The following EGFR variants were observed in gnomAD, a reference collection of about 807,000 sequenced individuals.
EGFR encodes epidermal growth factor receptor.
A neutral mutation model predicts 143.0 loss-of-function variants in EGFR; 58 were observed. That is an observed-to-expected ratio of 0.41 (90% CI 0.33 to 0.50). EGFR has a LOEUF of 0.50. Ranked by LOEUF, EGFR falls within the 20% of genes least tolerant of loss-of-function variation. The probability of loss-of-function intolerance (pLI) is 0.39; values close to 1 mark genes in which losing one functional copy is unlikely to be tolerated. For synonymous variants in EGFR, 613 were observed against 594.4 expected (o/e 1.03, Z -0.45); for missense variants, 1,307 against 1,579.0 (o/e 0.83, Z 2.92).
chr7:55,024,387 C>T (rs535528789), intron 1 of EGFR, among the ~76,000 whole-genome samples: 2 of 152,184 alleles, frequency 1.3e-5, no homozygotes, highest in Non-Finnish European at 2.9e-5. Context: ...TAGAATTTCT[C>T]TCTCTGATCC....
chr7:55,027,990 AAATATATATATAT>A lies in EGFR; in HGVS notation c.88+8627_88+8639del, dbSNP rs1273616912. On this transcript the variant is annotated intron_variant, in intron 1 of 27. Coordinates refer to ENST00000275493, the MANE Select transcript of EGFR (RefSeq NM_005228.5). ...TGCCTTTATGTAAAAAAAAAAAAAA[AAATATATATATAT>A]ATATATATATATATATATATATACA... 1.5e-4 allele frequency among the ~76,000 whole-genome samples: 10 copies of A among 64,878 alleles called. No individual in the cohort carries two copies. In the East Asian group the frequency reaches 1.5e-3, roughly 10 times the overall value. The allele number at this position is 64,878 out of a possible 152,430, so 42.6% of individuals were successfully genotyped here. A position where few individuals can be genotyped will look rare whatever the true frequency, so the allele number is the denominator to read the frequency against.
At chr7:55,066,790 T>A (rs1420865539) in intron 1 of EGFR, among the ~76,000 whole-genome samples, 3 of 152,156 alleles carry the variant, frequency 2.0e-5, no homozygotes, top group Non-Finnish European at 4.4e-5. Context: ...CTGCCTAGCT[T>A]CTCCTCCTCT....
intron 1 of EGFR, chr7:55,043,698 T>A (rs1359160853): frequency 6.6e-6 from 1 of 152,238 alleles, no homozygotes; most frequent in Admixed American, 6.6e-5. Context: ...GCCCCCACCA[T>A]ACAGAGGAAT....
chr7:55,123,957 T>C (rs1232626733), intron 1 of EGFR, among the ~76,000 whole-genome samples: 1 of 152,168 alleles, frequency 6.6e-6, no homozygotes, highest in African/African-American at 2.4e-5. Context: ...TACATGTATG[T>C]GTGTTTTATG....
intron 27 of EGFR, among the ~76,000 whole-genome samples, chr7:55,204,719 C>A (rs1788037806): frequency 7.1e-6 from 1 of 140,812 alleles, no homozygotes; most frequent in South Asian, 2.3e-4. Context: ...CACATACACA[C>A]CCACACCACA....
intron 1 of EGFR, among the ~76,000 whole-genome samples, chr7:55,084,521 A>G (rs1045172105): frequency 6.6e-6 from 1 of 152,250 alleles, no homozygotes; most frequent in Non-Finnish European, 1.5e-5. Flanking sequence ...CAACTTTGCC[A>G]TATAACCTAA....
In EGFR at chr7:55,174,763, C is replaced by T. The variant is rs773835994; in HGVS notation, c.2226C>T (p.Val742=). 7 of 1,614,046 alleles carry T rather than the reference C, an allele frequency of 4.3e-6. No homozygotes were observed. The highest frequency in any genetic ancestry group is 3.3e-5 in the Admixed American group (2 of 60,018). Residue 742 remains valine, a synonymous_variant, in exon 19 of 28, where the codon GTC becomes GTT. Coordinates refer to ENST00000275493, the MANE Select transcript of EGFR (RefSeq NM_005228.5). ...IPEGEKVKIP[V]AIKELREATS... ...AAGGTGAGAAAGTTAAAATTCCCGTCGCTATCAAGGAATTAAGAGAAGCAA... is the reference window on the plus strand; with the variant it reads ...AAGGTGAGAAAGTTAAAATTCCCGTTGCTATCAAGGAATTAAGAGAAGCAA...
chr7:55,040,721 C>T (rs1378632856), intron 1 of EGFR, among the ~76,000 whole-genome samples: 1 of 152,098 alleles, frequency 6.6e-6, no homozygotes, highest in African/African-American at 2.4e-5. Context: ...CTCAGGTTAA[C>T]ATTAAATAGG....
chr7:55,108,680 C>T (rs1792281237), intron 1 of EGFR, among the ~76,000 whole-genome samples: 1 of 152,210 alleles, frequency 6.6e-6, no homozygotes, highest in African/African-American at 2.4e-5. Context: ...TCTTCAAATT[C>T]TCAAAGTATA....
At chr7:55,055,704 GCACACACACACACACACACCA>G (rs1440449311) in intron 1 of EGFR, among the ~76,000 whole-genome samples, 1 of 108,382 alleles carries the variant, frequency 9.2e-6, no homozygotes, top group Non-Finnish European at 1.8e-5. Context: ...CCTCTTGCAC[GCACACACACACACACACACCA>G]CACACACACA....
intron 15 of EGFR, among the ~76,000 whole-genome samples, chr7:55,165,915 C>G (rs1388017921): frequency 6.6e-6 from 1 of 152,218 alleles, no homozygotes; most frequent in East Asian, 1.9e-4. Context: ...CAGTGGCTCA[C>G]GCCTGTAATT....
At chr7:55,153,944 G>A (rs937845195) in intron 6 of EGFR, 67 bp from the exon 7 acceptor site, 295 of 1,609,678 alleles carry the variant, frequency 1.8e-4, no homozygotes, top group African/African-American at 2.9e-4. Context: ...ACCGTGCTGC[G>A]CTTCCTCCGT....
In EGFR at chr7:55,205,385, G is replaced by A. The variant is rs865825533; in HGVS notation, c.3401G>A (p.Gly1134Asp). ...CAGGACCCCCACAGCACTGCAGTGG[G>A]CAACCCCGAGTATCTCAACACTGTC... is the stretch of plus-strand genomic sequence containing the variant. ...HYQDPHSTAVGNPEYLNTVQP... is the reference protein window; with the variant it reads ...HYQDPHSTAVDNPEYLNTVQP... Residue 1134 changes from glycine (G) to aspartate (D), a missense_variant, in exon 28 of 28, where the codon GGC (glycine) becomes GAC (aspartate). Physicochemically the swap from Gly to Asp is moderately conservative, Grantham distance 94. This residue lies in a region of EGFR where 313 missense variants were observed against 312.3 expected (regional missense o/e 1.00). Transcript: ENST00000275493. 2.5e-6 allele frequency: 4 copies of A among 1,613,940 alleles called. No individual in the cohort carries two copies. The African/African-American group carries it at 4.0e-5, about 16-fold the overall frequency.
At chr7:55,068,180 GT>G (rs1345989120) in intron 1 of EGFR, among the ~76,000 whole-genome samples, 1 of 152,122 alleles carries the variant, frequency 6.6e-6, no homozygotes, top group Non-Finnish European at 1.5e-5. Flanking sequence ...AAGAACAGTT[GT>G]TTTGGTTTGG....
In EGFR at chr7:55,131,793, C is replaced by T. The variant is rs113232333; in HGVS notation, c.89-10493C>T. On this transcript the variant is annotated intron_variant, in intron 1 of 27. Transcript: ENST00000275493. ...TGAGGTCCCTGCTGCTGACCCCTTGCGCTGTCAGCATTCAGAGACATTCAC... is the reference window on the plus strand; with the variant it reads ...TGAGGTCCCTGCTGCTGACCCCTTGTGCTGTCAGCATTCAGAGACATTCAC... 4.8e-3 allele frequency among the ~76,000 whole-genome samples: 730 copies of T among 152,270 alleles called. 5 individuals are homozygous for T. Among genetic ancestry groups the T allele is most frequent in the African/African-American group, 0.015 (636 of 41,570 alleles).
rs2128929695 is a variant in EGFR at position 55,146,752 on chromosome 7, A to G, written c.559+12A>G. 6.2e-7 allele frequency: 1 copy of G among 1,614,168 alleles called. No individual in the cohort carries two copies. Among genetic ancestry groups the G allele is most frequent in the Non-Finnish European group, 8.5e-7 (1 of 1,180,034 alleles). On this transcript the variant is annotated intron_variant, in intron 4 of 27. Transcript: ENST00000275493. ...CCACCTGGGCAGCTGTAAGTGTCGC[A>G]TACACACTATCTCTGCCTCCAGCTC...
chr7:55,165,183 A>C, intron 14 of EGFR, 97 bp from the exon 15 acceptor site: 1 of 1,566,856 alleles, frequency 6.4e-7, no homozygotes, highest in Non-Finnish European at 8.7e-7. Context: ...GGCTTTCCCC[A>C]CTCACACACA....
chr7:55,082,815 GA>G, intron 1 of EGFR, among the ~76,000 whole-genome samples: 1 of 152,194 alleles, frequency 6.6e-6, no homozygotes, highest in Non-Finnish European at 1.5e-5. Flanking sequence ...CTGGAAGCCA[GA>G]AGTCCAAAAT....
intron 14 of EGFR, 114 bp downstream of exon 14, chr7:55,163,937 C>T (rs1173180268): frequency 8.3e-7 from 1 of 1,211,370 alleles, no homozygotes; most frequent in African/African-American, 1.5e-5. Flanking sequence ...ATCAGAGCCA[C>T]TTCCCAGAGG....
Sources: gnomAD v4.1 joint callset for allele counts (sites outside exome capture counted in the v4.1 genomes callset) on GRCh38, gnomAD v4.1.1 for gene constraint, gnomAD v4.1.1 regional missense constraint, MANE v1.5 for transcripts, NCBI Gene and HGNC (gene_info 2026-07-23, HGNC 2026-07-21) for gene names.